TMEM209: variants seen among roughly 807,000 people sequenced by gnomAD.
The protein encoded by TMEM209 is transmembrane protein 209, also known as testicular tissue protein Li 202.
A neutral mutation model predicts 76.2 loss-of-function variants in TMEM209; 65 were observed. That is an observed-to-expected ratio of 0.85 (90% CI 0.70 to 1.05). The LOEUF is 1.05. Among genes scored for constraint, TMEM209 ranks in the 50% least tolerant of loss-of-function variants. The probability of loss-of-function intolerance (pLI) is 0.00; values close to 1 mark genes in which losing one functional copy is unlikely to be tolerated. For missense variants in TMEM209, 623 were observed against 685.5 expected, an observed-to-expected ratio of 0.91 and a Z score of 1.02; for synonymous variants, 239 against 237.6, an observed-to-expected ratio of 1.01 and a Z score of -0.06.
chr7:130,191,879 A>G (rs1477283333), intron 6 of TMEM209, among the ~76,000 whole-genome samples: 1 of 152,240 alleles, frequency 6.6e-6, no homozygotes, highest in East Asian at 1.9e-4. Flanking sequence ...AAAAATAAGA[A>G]GATAGTATTG....
At chr7:130,201,427 G>GA (rs35779579) in intron 5 of TMEM209, among the ~76,000 whole-genome samples, 232 of 145,478 alleles carry the variant, frequency 1.6e-3, no homozygotes, top group African/African-American at 5.2e-3. Context: ...GTACTCATTG[G>GA]AAAAAAAAAA....
At chr7:130,193,443 C>A (rs1797865124) in intron 5 of TMEM209, among the ~76,000 whole-genome samples, 1 of 151,720 alleles carries the variant, frequency 6.6e-6, no homozygotes, top group Non-Finnish European at 1.5e-5. Context: ...GAGGCTGAGG[C>A]AGGAGAATCG....
intron 6 of TMEM209, 128 bp from the exon 7 acceptor site, chr7:130,185,495 C>G (rs757336237): frequency 6.7e-5 from 51 of 764,628 alleles, no homozygotes; most frequent in Non-Finnish European, 1.0e-4. Flanking sequence ...CTCTTCTCCC[C>G]AACATAATTT....
chr7:130,186,726 A>ATTTTTTC (rs1348377992), intron 6 of TMEM209, among the ~76,000 whole-genome samples: 104 of 152,168 alleles, frequency 6.8e-4, no homozygotes, highest in Non-Finnish European at 1.4e-3. Context: ...AGCAAAGAAA[A>ATTTTTTC]AATGTACATA....
At chr7:130,172,860 G>A (rs143989206) in intron 13 of TMEM209, among the ~76,000 whole-genome samples, 25,285 of 151,522 alleles carry the variant, frequency 0.17, 2,710 homozygotes, top group Middle Eastern at 0.25. Flanking sequence ...ATAGCCGGGT[G>A]TGGTGGCGGG....
At chr7:130,171,811 C>T (rs188965390) in intron 13 of TMEM209, among the ~76,000 whole-genome samples, 7 of 152,092 alleles carry the variant, frequency 4.6e-5, no homozygotes, top group Non-Finnish European at 8.8e-5. Context: ...AGGCGGATCA[C>T]GAGGTCAGGA....
chr7:130,179,806 A>G (rs1797351130), intron 9 of TMEM209, among the ~76,000 whole-genome samples: 3 of 152,266 alleles, frequency 2.0e-5, no homozygotes, highest in Admixed American at 2.0e-4. Context: ...CTCTACAAAA[A>G]TACAAAAATC....
intron 5 of TMEM209, among the ~76,000 whole-genome samples, chr7:130,200,380 A>C (rs1304773464): frequency 2.6e-5 from 4 of 152,246 alleles, no homozygotes; most frequent in Non-Finnish European, 4.4e-5. Context: ...TGGTAAAACA[A>C]ACACTCTTCT....
At chr7:130,176,186 C>T (rs1311555918) in intron 10 of TMEM209, among the ~76,000 whole-genome samples, 1 of 148,970 alleles carries the variant, frequency 6.7e-6, no homozygotes, top group East Asian at 2.0e-4. Flanking sequence ...GATCTCGGCT[C>T]ACTGCAAGCT....
chr7:130,178,640 T>C (rs1304806794), intron 9 of TMEM209, 113 bp from the exon 10 acceptor site: 3 of 1,248,130 alleles, frequency 2.4e-6, no homozygotes, highest in Non-Finnish European at 3.3e-6. Flanking sequence ...CCTTCAGGTC[T>C]TCATACAAGT....
At chr7:130,173,768 C>A (rs762655315) in intron 12 of TMEM209, 39 bp from the exon 13 acceptor site, 19 of 1,606,548 alleles carry the variant, frequency 1.2e-5, no homozygotes, top group Middle Eastern at 3.3e-4. Flanking sequence ...AAAAACCAAA[C>A]CCCCAGAGAT....
chr7:130,175,506 G>A lies in TMEM209; in HGVS notation c.1344+6C>T. On this transcript the variant is annotated splice_donor_region_variant and intron_variant, in intron 11 of 14. Coordinates refer to ENST00000397622, the MANE Select transcript of TMEM209 (RefSeq NM_032842.4). ...AATAAATGAATGAAAGAATCTAGGG[G>A]CTTACAGCAGAATCGGTGGGCAGGT... The A allele has an allele frequency of 6.2e-7, 1 of 1,609,556 alleles. No individual in the cohort carries two copies. The highest frequency in any genetic ancestry group is 1.1e-5 in the South Asian group (1 of 89,978).
Position 130,203,849 on chromosome 7 carries a change from G to GAAA in TMEM209, c.141-6_141-4dup. ...ATGAACTAATCAATTTTCCAGTCCT[G>GAAA]AAAAAAAATTAGAAAGGCTTTCCAG... is the stretch of plus-strand genomic sequence containing the variant. On this transcript the variant is annotated splice_region_variant and splice_polypyrimidine_tract_variant and intron_variant, in intron 2 of 14. Transcript: ENST00000397622. 6.3e-7 allele frequency: 1 copy of GAAA among 1,593,526 alleles called. No homozygotes were observed. The highest frequency in any genetic ancestry group is 8.5e-7 in the Non-Finnish European group (1 of 1,169,692).
intron 5 of TMEM209, among the ~76,000 whole-genome samples, chr7:130,194,614 T>C (rs1369531988): frequency 1.3e-5 from 2 of 152,220 alleles, no homozygotes; most frequent in East Asian, 1.9e-4. Flanking sequence ...ACATAAATCT[T>C]TGACTGAATT....
intron 9 of TMEM209, among the ~76,000 whole-genome samples, chr7:130,179,735 G>A (rs751815699): frequency 9.2e-5 from 14 of 152,148 alleles, no homozygotes; most frequent in Non-Finnish European, 1.9e-4. Flanking sequence ...TAGCACTTTG[G>A]GAGGCCAAAG....
At chr7:130,175,746 G>T (rs1379571395) in intron 10 of TMEM209, 137 bp from the exon 11 acceptor site, 3 of 652,532 alleles carry the variant, frequency 4.6e-6, no homozygotes, top group Non-Finnish European at 7.6e-6. Flanking sequence ...AGAAATAAAA[G>T]ATATAAAAAG....
rs748919176 is a variant in TMEM209 at position 130,203,803 on chromosome 7, G to A, written c.184C>T (p.Pro62Ser). ...ACTTACTTACCAATATACCAGAGGG[G>A]CCAGTATGTCACATTGTAGTATGAA... Reference protein sequence around the residue: ...ISSYYNVTYWPLWYIELALAS... With the variant: ...ISSYYNVTYWSLWYIELALAS... The change falls in exon 3 of 15, where the codon CCC (proline) becomes TCC (serine). Residue 62 changes from proline (P) to serine (S), a missense_variant. Transcript: ENST00000397622. 8.1e-6 allele frequency: 13 copies of A among 1,604,852 alleles called. No homozygotes were observed. The South Asian group carries it at 1.0e-4, about 12-fold the overall frequency.
chr7:130,190,232 A>G (rs370386135), intron 6 of TMEM209, among the ~76,000 whole-genome samples: 1 of 152,264 alleles, frequency 6.6e-6, no homozygotes, highest in East Asian at 1.9e-4. Flanking sequence ...AATGGCTAAT[A>G]TTGGGCCAGG....
intron 1 of TMEM209, among the ~76,000 whole-genome samples, chr7:130,204,367 G>A (rs1157612163): frequency 6.6e-6 from 1 of 152,022 alleles, no homozygotes; most frequent in African/African-American, 2.4e-5. Flanking sequence ...GTTTTGAGAC[G>A]GAGTCTTGCT....
Sources: allele counts gnomAD v4.1 joint callset (sites outside exome capture counted in the v4.1 genomes callset), GRCh38; gene constraint gnomAD v4.1.1; transcripts MANE v1.5; gene names NCBI Gene and HGNC (gene_info 2026-07-23, HGNC 2026-07-21).